Variants in RANBP9 observed in about 807,000 individuals in gnomAD.
RANBP9 encodes RAN binding protein 9, also known as ran-binding protein 9.
RANBP9 carries 15 observed loss-of-function variants against 84.3 expected under a neutral mutation model. The observed-to-expected ratio is 0.18, with a 90% CI of 0.12 to 0.27. The LOEUF (loss-of-function observed/expected upper bound fraction) is 0.27. Ranked by LOEUF, RANBP9 falls within the 10% of genes least tolerant of loss-of-function variation. RANBP9 has a pLI of 1.00. For missense variants in RANBP9, 809 were observed against 912.8 expected (o/e 0.89, Z 1.46); for synonymous variants, 392 against 349.6 (o/e 1.12, Z -1.35).
At chr6:13,624,712 A>G (rs1263651339) in intron 13 of RANBP9, among the ~76,000 whole-genome samples, 13 of 152,202 alleles carry the variant, frequency 8.5e-5, no homozygotes, top group Admixed American at 7.2e-4. Context: ...CCAAACGAAC[A>G]TCGAATTAGC....
chr6:13,664,107 C>T (rs1765593425), intron 2 of RANBP9, among the ~76,000 whole-genome samples: 1 of 152,068 alleles, frequency 6.6e-6, no homozygotes, highest in Non-Finnish European at 1.5e-5. Flanking sequence ...GATGATATGA[C>T]TGTTTATAAA....
intron 10 of RANBP9, among the ~76,000 whole-genome samples, chr6:13,635,667 C>T (rs572317345): frequency 3.9e-4 from 59 of 150,364 alleles, no homozygotes; most frequent in Non-Finnish European, 6.9e-4. Context: ...TATGGCCCTA[C>T]GACTCCAGAG....
chr6:13,632,759 T>A, intron 11 of RANBP9: 2 of 394,138 alleles, frequency 5.1e-6, no homozygotes, highest in South Asian at 9.7e-5. Flanking sequence ...GGGGACAACC[T>A]TTCAGTGTTA....
intron 2 of RANBP9, among the ~76,000 whole-genome samples, chr6:13,662,717 G>C (rs1378017353): frequency 1.3e-5 from 2 of 152,180 alleles, no homozygotes; most frequent in Non-Finnish European, 2.9e-5. Context: ...CCAGAACTGT[G>C]AGCAATAAAT....
chr6:13,642,079 T>C (rs768646953), intron 7 of RANBP9, among the ~76,000 whole-genome samples: 1 of 152,226 alleles, frequency 6.6e-6, no homozygotes, highest in Non-Finnish European at 1.5e-5. Flanking sequence ...TAAATACTTA[T>C]GGATCAATAC....
At chr6:13,694,598 A>G (rs975005110) in intron 2 of RANBP9, among the ~76,000 whole-genome samples, 5 of 152,160 alleles carry the variant, frequency 3.3e-5, no homozygotes, top group African/African-American at 7.2e-5. Context: ...TGCTTTCCTC[A>G]GTGTTTCAGT....
chr6:13,666,839 T>C (rs1025692978), intron 2 of RANBP9, among the ~76,000 whole-genome samples: 2 of 152,016 alleles, frequency 1.3e-5, no homozygotes, highest in African/African-American at 4.8e-5. Flanking sequence ...AACACCTAAG[T>C]TTATGCCTGG....
intron 2 of RANBP9, among the ~76,000 whole-genome samples, chr6:13,660,760 C>CAAG (rs1765523106): frequency 6.6e-6 from 1 of 152,062 alleles, no homozygotes; most frequent in East Asian, 1.9e-4. Context: ...GAGCATATGC[C>CAAG]AAGTGAGACA....
intron 2 of RANBP9, among the ~76,000 whole-genome samples, chr6:13,662,060 ACTAT>A (rs1255382416): frequency 2.0e-5 from 3 of 152,206 alleles, no homozygotes; most frequent in African/African-American, 4.8e-5. Context: ...TCACAAAAGA[ACTAT>A]CTGACGACAT....
intron 2 of RANBP9, among the ~76,000 whole-genome samples, chr6:13,666,258 A>G (rs1157718013): frequency 6.6e-6 from 1 of 152,128 alleles, no homozygotes; most frequent in Non-Finnish European, 1.5e-5. Context: ...CAACTGATGA[A>G]AAGAGGAATA....
chr6:13,672,405 T>C (rs1765796659), intron 2 of RANBP9, among the ~76,000 whole-genome samples: 1 of 152,148 alleles, frequency 6.6e-6, no homozygotes, highest in East Asian at 1.9e-4. Flanking sequence ...CTGAGAAAAT[T>C]ACAAGAAATA....
rs79535130 is a variant in RANBP9, at chr6:13,623,140, C to T, written c.2060-648G>A. 5.2e-3 allele frequency among the ~76,000 whole-genome samples: 791 copies of T among 152,232 alleles called. 4 individuals carry two copies. The highest frequency in any genetic ancestry group is 0.018 in the African/African-American group (754 of 41,534). On this transcript the variant is annotated intron_variant, in intron 13 of 13. Coordinates refer to ENST00000011619, the MANE Select transcript of RANBP9 (RefSeq NM_005493.3). ...GCATATCATAAGTTTCTTTGTCAGA[C>T]ATTTGTAGTACAAATGCAATAATTA...
At chr6:13,687,531 A>G (rs1291610391) in intron 2 of RANBP9, among the ~76,000 whole-genome samples, 1 of 152,106 alleles carries the variant, frequency 6.6e-6, no homozygotes, top group Non-Finnish European at 1.5e-5. Context: ...TGATGTATTT[A>G]GTCACATCAC....
chr6:13,665,714 A>AT (rs1765629448), intron 2 of RANBP9, among the ~76,000 whole-genome samples: 1 of 152,198 alleles, frequency 6.6e-6, no homozygotes, highest in African/African-American at 2.4e-5. Context: ...GAAAAACTTG[A>AT]AACAGCCTGG....
At position 13,637,870 on chromosome 6, in the gene RANBP9, C is replaced by T; in HGVS notation, c.1611G>A (p.Leu537=). The T allele has an allele frequency of 6.2e-7, 1 of 1,609,996 alleles. No individual in the cohort carries two copies. The highest frequency in any genetic ancestry group is 8.5e-7 in the Non-Finnish European group (1 of 1,176,576). The change falls in exon 10 of 14, where the codon TTG becomes TTA. Residue 537 remains leucine, a synonymous_variant. Transcript: ENST00000011619. ...TTATACTGTTTAGTTCTGGTACATT[C>T]AAGTTGGATGACTGGTGTTTATTAC... ...CHSNKHQSSN[L]NVPELNSINM... is the part of the protein sequence containing the mutation.
chr6:13,708,816 AACTC>A (rs1561700150), intron 1 of RANBP9, among the ~76,000 whole-genome samples: 1 of 139,098 alleles, frequency 7.2e-6, no homozygotes, highest in African/African-American at 2.6e-5. Context: ...AACAACGGAA[AACTC>A]ACACACACAC....
At chr6:13,677,598 G>A (rs573498078) in intron 2 of RANBP9, among the ~76,000 whole-genome samples, 27 of 152,226 alleles carry the variant, frequency 1.8e-4, no homozygotes, top group Admixed American at 1.5e-3. Flanking sequence ...AGATACACTA[G>A]TATACGTATA....
intron 1 of RANBP9, among the ~76,000 whole-genome samples, chr6:13,703,223 A>G (rs548530349): frequency 1.4e-4 from 21 of 152,248 alleles, no homozygotes; most frequent in Admixed American, 3.9e-4. Flanking sequence ...CTGGGGACCT[A>G]CCATTTCTTT....
chr6:13,653,250 C>T (rs771109181), intron 4 of RANBP9, among the ~76,000 whole-genome samples: 5 of 152,032 alleles, frequency 3.3e-5, no homozygotes, highest in Non-Finnish European at 7.4e-5. Flanking sequence ...AAAGGATGAA[C>T]GATTTTGCAC....
Sources: allele counts gnomAD v4.1 joint callset (sites outside exome capture counted in the v4.1 genomes callset), GRCh38; gene constraint gnomAD v4.1.1; transcripts MANE v1.5; gene names NCBI Gene and HGNC (gene_info 2026-07-23, HGNC 2026-07-21).